The following SCHIP1 variants were observed in gnomAD, a reference collection of about 807,000 sequenced individuals.
SCHIP1 encodes the protein schwannomin-interacting protein 1.
SCHIP1 carries 8 observed loss-of-function variants against 29.7 expected under a neutral mutation model. The ratio of observed to expected loss-of-function variants is 0.27; its 90% CI spans 0.16 to 0.49. The LOEUF (loss-of-function observed/expected upper bound fraction) is 0.49, where lower values mean the gene tolerates loss of function less well. Ranked by LOEUF, SCHIP1 falls within the 20% of genes least tolerant of loss-of-function variation. The pLI is 0.99. For synonymous variants in SCHIP1, 76 were observed against 94.9 expected, an observed-to-expected ratio of 0.80 and a Z score of 1.16; for missense variants, 193 against 294.6, an observed-to-expected ratio of 0.66 and a Z score of 2.52.
chr3:159,516,078 TCTC>T, the SCHIP1 span, among the ~76,000 whole-genome samples: 1 of 152,074 alleles, frequency 6.6e-6, no homozygotes, highest in African/African-American at 2.4e-5. Context: ...TGACTCCTCT[TCTC>T]CTTCTTCCTG....
chr3:159,518,151 G>T, the SCHIP1 span, among the ~76,000 whole-genome samples: 1 of 152,026 alleles, frequency 6.6e-6, no homozygotes, highest in Non-Finnish European at 1.5e-5. Flanking sequence ...ATATATAAAG[G>T]TTGAGACTAT....
chr3:159,517,524 TTCATTGTTAAGG>T, the SCHIP1 span, among the ~76,000 whole-genome samples: 1 of 152,162 alleles, frequency 6.6e-6, no homozygotes, highest in Non-Finnish European at 1.5e-5. Flanking sequence ...TAGAAATGCT[TTCATTGTTAAGG>T]TGTTATTACT....
At chr3:159,479,650 G>C in the SCHIP1 span, among the ~76,000 whole-genome samples, 3,945 of 152,180 alleles carry the variant, frequency 0.026, 177 homozygotes, top group African/African-American at 0.09. Flanking sequence ...CATATAAGCT[G>C]TACCTTAAAA....
the SCHIP1 span, among the ~76,000 whole-genome samples, chr3:159,543,358 C>G: frequency 3.1e-5 from 3 of 97,612 alleles, no homozygotes; most frequent in African/African-American, 1.2e-4. Context: ...ATCCCTCCCC[C>G]CTCCCCCCTC....
chr3:159,521,256 A>G, the SCHIP1 span, among the ~76,000 whole-genome samples: 1 of 152,236 alleles, frequency 6.6e-6, no homozygotes, highest in Non-Finnish European at 1.5e-5. Flanking sequence ...ATCAGAAGAA[A>G]TAAATGCAAG....
the SCHIP1 span, among the ~76,000 whole-genome samples, chr3:159,516,134 C>T: frequency 6.6e-6 from 1 of 152,078 alleles, no homozygotes; most frequent in Non-Finnish European, 1.5e-5. Context: ...TCCCTGAACT[C>T]TCAGTGGGTG....
At chr3:159,432,271 C>T in the SCHIP1 span, among the ~76,000 whole-genome samples, 1 of 144,110 alleles carries the variant, frequency 6.9e-6, no homozygotes, top group South Asian at 2.3e-4. Flanking sequence ...CAGCTGCCTT[C>T]CTCCAGAGTA....
chr3:159,778,257 T>G, the SCHIP1 span, among the ~76,000 whole-genome samples: 1 of 152,282 alleles, frequency 6.6e-6, no homozygotes, highest in East Asian at 1.9e-4. Context: ...CCTCCCAAAG[T>G]GCTGGGATTA....
the SCHIP1 span, among the ~76,000 whole-genome samples, chr3:159,508,696 T>A: frequency 6.6e-6 from 1 of 152,212 alleles, no homozygotes; most frequent in South Asian, 2.1e-4. Context: ...TCAAAGAACA[T>A]CTTTATTTCT....
chr3:159,462,901 C>T, the SCHIP1 span, among the ~76,000 whole-genome samples: 1 of 152,034 alleles, frequency 6.6e-6, no homozygotes, highest in African/African-American at 2.4e-5. Context: ...AAAATTAAAG[C>T]CAACTTAAAT....
chr3:159,358,917 A>C, the SCHIP1 span, among the ~76,000 whole-genome samples: 1 of 137,842 alleles, frequency 7.3e-6, no homozygotes, highest in African/African-American at 2.8e-5. Flanking sequence ...CGGTATTAGC[A>C]TCCTTTTTTT....
At chr3:159,699,345 AC>A in the SCHIP1 span, among the ~76,000 whole-genome samples, 1 of 152,140 alleles carries the variant, frequency 6.6e-6, no homozygotes, top group Non-Finnish European at 1.5e-5. Flanking sequence ...GTGAATTTCA[AC>A]CCTAGATCTA....
the SCHIP1 span, among the ~76,000 whole-genome samples, chr3:159,402,837 C>G: frequency 4.6e-5 from 7 of 151,734 alleles, no homozygotes; most frequent in African/African-American, 9.7e-5. Flanking sequence ...TGCTAAATGA[C>G]GAGTTGATGG....
chr3:159,439,386 T>G, the SCHIP1 span, among the ~76,000 whole-genome samples: 1 of 151,986 alleles, frequency 6.6e-6, no homozygotes, highest in Non-Finnish European at 1.5e-5. Context: ...GAAGGAGAAG[T>G]GCCAAGTGAA....
the SCHIP1 span, among the ~76,000 whole-genome samples, chr3:159,828,379 A>G: frequency 1.2e-5 from 1 of 81,878 alleles, no homozygotes; most frequent in East Asian, 7.1e-4. Context: ...ATATATACAT[A>G]TATATATACA....
At chr3:159,306,526 G>C in the SCHIP1 span, 1 of 551,912 alleles carries the variant, frequency 1.8e-6, no homozygotes, top group Non-Finnish European at 2.3e-6. Flanking sequence ...AACTGGCCAA[G>C]GTCATGCCAT....
At chr3:159,423,765 TCCCTGACCCCTGAC>T in the SCHIP1 span, among the ~76,000 whole-genome samples, 1 of 151,998 alleles carries the variant, frequency 6.6e-6, no homozygotes, top group Admixed American at 6.6e-5. Context: ...CTCAAGTGGG[TCCCTGACCCCTGAC>T]CCCTGAGCAG....
At chr3:159,754,569 G>T in the SCHIP1 span, among the ~76,000 whole-genome samples, 1 of 152,170 alleles carries the variant, frequency 6.6e-6, no homozygotes, top group South Asian at 2.1e-4. Flanking sequence ...GCACAAACTT[G>T]AATAAATGAA....
At chr3:159,315,633 T>C in the SCHIP1 span, among the ~76,000 whole-genome samples, 1 of 152,082 alleles carries the variant, frequency 6.6e-6, no homozygotes, top group South Asian at 2.1e-4. Flanking sequence ...TAAGTATAAA[T>C]TGTTGGGAAA....
Sources: allele counts gnomAD v4.1 joint callset (sites outside exome capture counted in the v4.1 genomes callset), GRCh38; gene constraint gnomAD v4.1.1; transcripts MANE v1.5; gene names NCBI Gene and HGNC (gene_info 2026-07-23, HGNC 2026-07-21).